FOXP1: variants seen among roughly 807,000 people sequenced by gnomAD.
FOXP1 encodes forkhead box P1.
FOXP1 carries 15 observed loss-of-function variants against 98.2 expected under a neutral mutation model. The observed-to-expected ratio is 0.15, with a 90% CI of 0.10 to 0.24. The LOEUF (loss-of-function observed/expected upper bound fraction) is 0.24, where lower values mean the gene tolerates loss of function less well. Among genes scored for constraint, FOXP1 ranks in the 10% least tolerant of loss-of-function variants. The pLI is 1.00. For synonymous variants in FOXP1, 371 were observed against 314.5 expected (o/e 1.18, Z -1.90); for missense variants, 633 against 848.5 (o/e 0.75, Z 3.15).
chr3:71,239,963 A>T (rs982321949), intron 5 of FOXP1, among the ~76,000 whole-genome samples: 7 of 152,242 alleles, frequency 4.6e-5, no homozygotes, highest in African/African-American at 1.7e-4. Context: ...CCTATCAGAG[A>T]ACTGCTGGGG....
chr3:71,583,836 G>A (rs2048386804), upstream of FOXP1: 5 of 987,744 alleles, frequency 5.1e-6, no homozygotes, highest in East Asian at 1.1e-4. Flanking sequence ...AGAGGCGCGG[G>A]CAGCACCGGC....
Position 71,340,159 on chromosome 3 carries a change from A to G in FOXP1, c.-73+18991T>C, listed in dbSNP as rs866475882. On this transcript the variant is annotated intron_variant, in intron 4 of 20. Transcript: ENST00000649528. Reference sequence around the variant, plus strand: ...CCTGCCCCCCTATTTTCCCACTGACATATGTCTAGAACAAATTTACAATAC... The same window carrying G: ...CCTGCCCCCCTATTTTCCCACTGACGTATGTCTAGAACAAATTTACAATAC... Among the ~76,000 whole-genome samples the G allele has an allele frequency of 6.6e-5, 10 of 152,318 alleles. No individual in the cohort carries two copies. In the South Asian group the frequency reaches 2.1e-3, roughly 32 times the overall value.
intron 3 of FOXP1, among the ~76,000 whole-genome samples, chr3:71,468,646 C>T (rs923741407): frequency 6.6e-6 from 1 of 152,178 alleles, no homozygotes; most frequent in Non-Finnish European, 1.5e-5. Flanking sequence ...CATTCACCAC[C>T]CTTTCATCAT....
chr3:71,451,737 T>A (rs1005018853), intron 3 of FOXP1, among the ~76,000 whole-genome samples: 6 of 152,250 alleles, frequency 3.9e-5, no homozygotes, highest in African/African-American at 1.4e-4. Context: ...GACAAACACA[T>A]CAAGTGGCCA....
At chr3:71,325,011 C>T (rs2075602781) in intron 4 of FOXP1, among the ~76,000 whole-genome samples, 1 of 151,576 alleles carries the variant, frequency 6.6e-6, no homozygotes, top group Non-Finnish European at 1.5e-5. Context: ...ACATCTATCG[C>T]AATGGCCAGA....
intron 3 of FOXP1, among the ~76,000 whole-genome samples, chr3:71,434,855 C>T (rs2085086971): frequency 2.0e-5 from 3 of 152,004 alleles, no homozygotes; most frequent in African/African-American, 7.2e-5. Context: ...TGCACACACA[C>T]AAATAGAGAG....
intron 5 of FOXP1, among the ~76,000 whole-genome samples, chr3:71,199,050 A>G (rs750467734): frequency 2.0e-5 from 3 of 151,490 alleles, no homozygotes; most frequent in Non-Finnish European, 2.9e-5. Flanking sequence ...CATCCTATAG[A>G]GCATATTAGG....
At chr3:71,083,167 G>T (rs964949222) in intron 7 of FOXP1, among the ~76,000 whole-genome samples, 1 of 152,038 alleles carries the variant, frequency 6.6e-6, no homozygotes, top group Non-Finnish European at 1.5e-5. Context: ...GGGTCACAGG[G>T]GCAGATCCCT....
chr3:71,376,890 G>T (rs1229303620), intron 3 of FOXP1, among the ~76,000 whole-genome samples: 1 of 151,930 alleles, frequency 6.6e-6, no homozygotes, highest in Non-Finnish European at 1.5e-5. Flanking sequence ...AAGAAGCAAA[G>T]ATAAAGAATT....
chr3:71,083,980 C>T (rs2054740171), intron 7 of FOXP1, among the ~76,000 whole-genome samples: 1 of 152,158 alleles, frequency 6.6e-6, no homozygotes, highest in Admixed American at 6.5e-5. Context: ...CTGAGGGAAA[C>T]CCCAAATTAC....
chr3:71,221,991 A>G (rs1476202115), intron 5 of FOXP1, among the ~76,000 whole-genome samples: 1 of 152,134 alleles, frequency 6.6e-6, no homozygotes, highest in Non-Finnish European at 1.5e-5. Flanking sequence ...TGTCTCTACT[A>G]AAAATACAAA....
chr3:71,246,257 G>A (rs550477755), intron 5 of FOXP1, among the ~76,000 whole-genome samples: 3 of 152,274 alleles, frequency 2.0e-5, no homozygotes, highest in East Asian at 1.9e-4. Context: ...GCCAGCCCTC[G>A]GTGTGCAAGG....
intron 4 of FOXP1, among the ~76,000 whole-genome samples, chr3:71,354,898 G>A (rs2078047888): frequency 6.6e-6 from 1 of 152,164 alleles, no homozygotes; most frequent in Non-Finnish European, 1.5e-5. Context: ...AAAATAATTT[G>A]TCCAAAAAAA....
intron 10 of FOXP1, among the ~76,000 whole-genome samples, chr3:71,042,749 G>A (rs1451210880): frequency 2.0e-5 from 3 of 152,084 alleles, no homozygotes; most frequent in Non-Finnish European, 4.4e-5. Flanking sequence ...AAAAAAGAAG[G>A]CTGTGTGCAT....
chr3:71,518,584 T>G (rs1326036351), intron 2 of FOXP1, among the ~76,000 whole-genome samples: 3 of 152,184 alleles, frequency 2.0e-5, no homozygotes, highest in African/African-American at 7.2e-5. Flanking sequence ...ACAATTTTAC[T>G]TACATGACCC....
At chr3:71,090,253 AT>A (rs1241040205) in intron 7 of FOXP1, among the ~76,000 whole-genome samples, 1 of 151,928 alleles carries the variant, frequency 6.6e-6, no homozygotes, top group Non-Finnish European at 1.5e-5. Context: ...CTTCTTTCAC[AT>A]TTTTCTTGGA....
At position 70,970,879 on chromosome 3, in the gene FOXP1, A is replaced by C. The variant is rs534605358; in HGVS notation, c.1653-74T>G. 5.0e-6 allele frequency: 6 copies of C among 1,200,188 alleles called. No individual in the cohort carries two copies. The South Asian group carries it at 7.3e-5, about 15-fold the overall frequency. The allele number at this position is 1,200,188 out of a possible 1,614,324, so 74.3% of individuals were successfully genotyped here. ...GAGTTCCTAGCTAAGTTTTGTTTTA[A>C]GCTTGCTGGTGCCCTTCCAAATGAG... is the stretch of plus-strand genomic sequence containing the variant. On this transcript the variant is annotated intron_variant, in intron 18 of 20. Transcript: ENST00000649528.
At chr3:71,540,157 C>T (rs2044675986) in intron 2 of FOXP1, among the ~76,000 whole-genome samples, 1 of 152,212 alleles carries the variant, frequency 6.6e-6, no homozygotes. Context: ...AAGCATGACA[C>T]AAGTTTGGTG....
chr3:71,304,198 AAATT>A (rs2074085354), intron 4 of FOXP1, among the ~76,000 whole-genome samples: 1 of 152,182 alleles, frequency 6.6e-6, no homozygotes, highest in African/African-American at 2.4e-5. Context: ...CTTGCCCATG[AAATT>A]ACTTCAGGCT....
Sources: allele counts gnomAD v4.1 joint callset (sites outside exome capture counted in the v4.1 genomes callset), GRCh38; gene constraint gnomAD v4.1.1; transcripts MANE v1.5; gene names NCBI Gene and HGNC (gene_info 2026-07-23, HGNC 2026-07-21).